Variants in VSTM4 observed in about 807,000 individuals in gnomAD.
VSTM4 encodes V-set and transmembrane domain-containing protein 4.
A neutral mutation model predicts 36.4 loss-of-function variants in VSTM4; 20 were observed. That is an observed-to-expected ratio of 0.55 (90% CI 0.39 to 0.80). The LOEUF is 0.80. Ranked by LOEUF, VSTM4 falls within the 30% of genes least tolerant of loss-of-function variation. The pLI, the probability that VSTM4 is intolerant of heterozygous loss-of-function variation, is 0.00. For missense variants in VSTM4, 392 were observed against 404.5 expected, an observed-to-expected ratio of 0.97 and a Z score of 0.26; for synonymous variants, 182 against 173.9, an observed-to-expected ratio of 1.05 and a Z score of -0.37.
intron 2 of VSTM4, among the ~76,000 whole-genome samples, chr10:49,099,379 C>T (rs1393550113): frequency 6.6e-6 from 1 of 152,184 alleles, no homozygotes; most frequent in Non-Finnish European, 1.5e-5. Context: ...TTGTTATTTC[C>T]TGCCTATATT....
At chr10:49,030,008 C>T (rs1843320916) in intron 7 of VSTM4, among the ~76,000 whole-genome samples, 1 of 152,220 alleles carries the variant, frequency 6.6e-6, no homozygotes, top group Admixed American at 6.5e-5. Flanking sequence ...CCCAGTGTAC[C>T]TCTGGGTGGC....
At chr10:49,069,149 C>T (rs1260353941) in intron 4 of VSTM4, among the ~76,000 whole-genome samples, 6 of 152,180 alleles carry the variant, frequency 3.9e-5, no homozygotes, top group Admixed American at 3.9e-4. Flanking sequence ...TCCCTATCAC[C>T]ACTGCCACCC....
chr10:49,050,987 C>T lies in VSTM4; in HGVS notation c.669-2403G>A, dbSNP rs1240622271. ...CCACCTCCACACATGCACAGCCTCC[C>T]CCATGATCAACATCCTGCACTAGAG... is the stretch of plus-strand genomic sequence containing the variant. On this transcript the variant is annotated intron_variant, in intron 5 of 7. Transcript: ENST00000332853. Among the ~76,000 whole-genome samples the T allele has an allele frequency of 2.0e-5, 3 of 152,136 alleles. 1 individual carries two copies. The highest frequency in any genetic ancestry group is 1.3e-4 in the Admixed American group (2 of 15,282).
At position 49,108,012 on chromosome 10, in the gene VSTM4, G is replaced by T; in HGVS notation, c.56-17C>A. 6.5e-7 allele frequency: 1 copy of T among 1,538,864 alleles called. No homozygotes were observed. The highest frequency in any genetic ancestry group is 8.8e-7 in the Non-Finnish European group (1 of 1,138,166). ...CACAGACCTCTGCAGAGAAAAAGGG[G>T]AGAAGAGAGGATGAGGAGGGCCCCA... On this transcript the variant is annotated splice_polypyrimidine_tract_variant and intron_variant, in intron 1 of 7. Transcript: ENST00000332853.
At chr10:49,086,320 C>T (rs1369220179) in intron 2 of VSTM4, among the ~76,000 whole-genome samples, 1 of 152,158 alleles carries the variant, frequency 6.6e-6, no homozygotes, top group East Asian at 1.9e-4. Context: ...AGTGGCAAAC[C>T]CAATAATTAA....
intron 4 of VSTM4, among the ~76,000 whole-genome samples, chr10:49,070,389 T>A (rs996750209): frequency 3.3e-5 from 5 of 149,306 alleles, no homozygotes; most frequent in Admixed American, 2.7e-4. Context: ...CCTGTTGCTT[T>A]TTACCTTTTT....
chr10:49,091,896 G>A (rs1026074509), intron 2 of VSTM4, among the ~76,000 whole-genome samples: 8 of 152,198 alleles, frequency 5.3e-5, no homozygotes, highest in Admixed American at 2.6e-4. Flanking sequence ...CCAAAGTCAG[G>A]TGCACATTTC....
chr10:49,030,713 T>A (rs1467883562), intron 7 of VSTM4, among the ~76,000 whole-genome samples: 2 of 152,162 alleles, frequency 1.3e-5, no homozygotes, highest in Non-Finnish European at 2.9e-5. Flanking sequence ...CAGAATGGAT[T>A]TGACATGACA....
intron 2 of VSTM4, among the ~76,000 whole-genome samples, chr10:49,094,217 G>C (rs755679075): frequency 9.9e-5 from 15 of 152,174 alleles, no homozygotes; most frequent in Non-Finnish European, 1.2e-4. Flanking sequence ...GAAGCAGTGG[G>C]GTTGCGCCAG....
At chr10:49,025,563 A>T (rs566178670) in intron 7 of VSTM4, among the ~76,000 whole-genome samples, 3 of 152,304 alleles carry the variant, frequency 2.0e-5, no homozygotes, top group Admixed American at 2.0e-4. Flanking sequence ...GGGCTGCAAC[A>T]GATCTAGCTG....
At chr10:49,093,180 C>G (rs368967920) in intron 2 of VSTM4, among the ~76,000 whole-genome samples, 1 of 152,128 alleles carries the variant, frequency 6.6e-6, no homozygotes, top group East Asian at 1.9e-4. Flanking sequence ...AGCCTATAGT[C>G]GGCAAAATAA....
At position 49,018,258 on chromosome 10, in the gene VSTM4, A is replaced by G. The variant is rs113980289; in HGVS notation, c.*1392T>C. Reference sequence around the variant, plus strand: ...CAGACTGGCTTTAGCATGAATGTCAACACAGAGCATTTGTGTAGCAATTTA... The same window carrying G: ...CAGACTGGCTTTAGCATGAATGTCAGCACAGAGCATTTGTGTAGCAATTTA... On this transcript the variant is annotated 3_prime_UTR_variant, in exon 8 of 8. Coordinates refer to ENST00000332853, the MANE Select transcript of VSTM4 (RefSeq NM_001031746.5). 265 of 152,382 alleles carry G rather than the reference A, an allele frequency of 1.7e-3. No individual in the cohort carries two copies. Among genetic ancestry groups the G allele is most frequent in the African/African-American group, 6.0e-3 (250 of 41,584 alleles). The allele number at this position is 152,382 out of a possible 1,614,324, so 9.4% of individuals were successfully genotyped here. A position where few individuals can be genotyped will look rare whatever the true frequency, so the allele number is the denominator to read the frequency against.
chr10:49,028,020 C>A (rs1472839608), intron 7 of VSTM4, among the ~76,000 whole-genome samples: 1 of 152,188 alleles, frequency 6.6e-6, no homozygotes, highest in Non-Finnish European at 1.5e-5. Context: ...CAGGGTGGAC[C>A]ATTTTGCCCT....
At chr10:49,076,593 C>G (rs941304701) in intron 4 of VSTM4, among the ~76,000 whole-genome samples, 1 of 152,034 alleles carries the variant, frequency 6.6e-6, no homozygotes, top group Admixed American at 6.5e-5. Context: ...AATCGGGGCT[C>G]GGGGAGAAGC....
rs1032537200 is a variant in VSTM4 at position 49,015,646 on chromosome 10, G to C, written c.*4004C>G. ...AGATGGGAGTGTGGTCTGGAGTGGG[G>C]TCAATGTCCCCGCCATGTGGCTGCC... On this transcript the variant is annotated 3_prime_UTR_variant, in exon 8 of 8. Coordinates refer to ENST00000332853, the MANE Select transcript of VSTM4 (RefSeq NM_001031746.5). 9.9e-5 allele frequency: 15 copies of C among 152,154 alleles called. No individual in the cohort carries two copies. Among genetic ancestry groups the C allele is most frequent in the African/African-American group, 3.6e-4 (15 of 41,418 alleles). 9.4% of individuals were successfully genotyped at this position (152,154 alleles called of 1,614,324 possible).
chr10:49,070,748 C>A (rs1231634809), intron 4 of VSTM4, among the ~76,000 whole-genome samples: 2 of 152,242 alleles, frequency 1.3e-5, no homozygotes, highest in Admixed American at 6.5e-5. Context: ...AACCAACCCC[C>A]ACAAAGGAAA....
chr10:49,032,938 CT>C (rs10713552), intron 7 of VSTM4, among the ~76,000 whole-genome samples: 96,220 of 143,290 alleles, frequency 0.67, 33,370 homozygotes, highest in Non-Finnish European at 0.79. Flanking sequence ...CACTCTGATT[CT>C]TTTTTTTTTT....
At chr10:49,060,030 A>C (rs1042742991) in intron 5 of VSTM4, among the ~76,000 whole-genome samples, 1 of 152,220 alleles carries the variant, frequency 6.6e-6, no homozygotes, top group Non-Finnish European at 1.5e-5. Flanking sequence ...GCTTTGGTCC[A>C]TACCCAGTGT....
rs533780496 is a variant in VSTM4 at position 49,103,950 on chromosome 10, G to A, written c.457+3644C>T. On this transcript the variant is annotated intron_variant, in intron 2 of 7. Transcript: ENST00000332853. ...GGCACTCAAACCCCCAAGAGCTCCT[G>A]TTTGATATTCTAACCCAAAGGTACG... 1.1e-5 allele frequency: 12 copies of A among 1,071,666 alleles called. 1 individual carries two copies. The South Asian group carries it at 1.7e-4, about 15-fold the overall frequency. 66.4% of individuals were successfully genotyped at this position (1,071,666 alleles called of 1,614,324 possible).
Sources: gnomAD v4.1 joint callset for allele counts (sites outside exome capture counted in the v4.1 genomes callset) on GRCh38, gnomAD v4.1.1 for gene constraint, MANE v1.5 for transcripts, NCBI Gene and HGNC (gene_info 2026-07-23, HGNC 2026-07-21) for gene names.